WWOX: variants seen among roughly 807,000 people sequenced by gnomAD.
The protein encoded by WWOX is WW domain-containing oxidoreductase.
Under a neutral mutation model 46.2 loss-of-function variants are expected in WWOX, and 69 were observed. The observed-to-expected ratio is 1.49, with a 90% CI of 1.23 to 1.82. The LOEUF (loss-of-function observed/expected upper bound fraction) is 1.82, where lower values mean the gene tolerates loss of function less well. Ranked by LOEUF, WWOX falls within the 40% of genes most tolerant of loss-of-function variation. The pLI is 0.00. For missense variants in WWOX, 919 were observed against 542.6 expected (o/e 1.69, Z -6.89); for synonymous variants, 359 against 202.6 (o/e 1.77, Z -6.56).
At chr16:79,132,316 G>A (rs139022535) in intron 8 of WWOX, among the ~76,000 whole-genome samples, 1 of 152,296 alleles carries the variant, frequency 6.6e-6, no homozygotes, top group Non-Finnish European at 1.5e-5. Context: ...TTGATTTCAG[G>A]CAAGATTTTG....
chr16:78,459,815 T>C (rs1369898108), intron 8 of WWOX, among the ~76,000 whole-genome samples: 1 of 152,022 alleles, frequency 6.6e-6, no homozygotes, highest in African/African-American at 2.4e-5. Context: ...ATTTTAATTC[T>C]TTTTGAGACA....
At chr16:79,069,149 G>A (rs916764716) in intron 8 of WWOX, among the ~76,000 whole-genome samples, 3 of 152,204 alleles carry the variant, frequency 2.0e-5, no homozygotes, top group Admixed American at 6.5e-5. Context: ...TGGGCCCTGC[G>A]CTGCGCTTGG....
At chr16:78,187,063 C>T (rs569013943) in intron 5 of WWOX, among the ~76,000 whole-genome samples, 8 of 152,332 alleles carry the variant, frequency 5.3e-5, no homozygotes, top group African/African-American at 1.9e-4. Context: ...GGTTTACCAA[C>T]ATCATAGTCA....
At chr16:79,142,680 G>A (rs2050112535) in intron 8 of WWOX, among the ~76,000 whole-genome samples, 1 of 152,054 alleles carries the variant, frequency 6.6e-6, no homozygotes, top group African/African-American at 2.4e-5. Context: ...TATAAGAAGT[G>A]CCTGGATCAG....
At chr16:78,494,898 C>G (rs765716556) in intron 8 of WWOX, among the ~76,000 whole-genome samples, 5 of 152,160 alleles carry the variant, frequency 3.3e-5, no homozygotes, top group African/African-American at 4.8e-5. Context: ...GGTTTTAGGC[C>G]TGTCCTTAGA....
intron 8 of WWOX, among the ~76,000 whole-genome samples, chr16:78,981,145 C>T (rs773502672): frequency 6.6e-6 from 1 of 152,162 alleles, no homozygotes; most frequent in African/African-American, 2.4e-5. Context: ...CTGGGAGGAC[C>T]GTTGTACTGC....
At chr16:78,126,689 G>T (rs2033376090) in intron 4 of WWOX, among the ~76,000 whole-genome samples, 1 of 152,136 alleles carries the variant, frequency 6.6e-6, no homozygotes, top group African/African-American at 2.4e-5. Context: ...TCCTCAGTTT[G>T]CTTCACTAAA....
chr16:78,954,653 A>C (rs904045734), intron 8 of WWOX, among the ~76,000 whole-genome samples: 3 of 152,196 alleles, frequency 2.0e-5, no homozygotes, highest in Admixed American at 1.3e-4. Context: ...TGATTTTTTG[A>C]TATAGAAGCA....
intron 8 of WWOX, among the ~76,000 whole-genome samples, chr16:78,828,953 C>G (rs1597684008): frequency 6.6e-6 from 1 of 152,200 alleles, no homozygotes; most frequent in East Asian, 1.9e-4. Context: ...GTTAAAGGGA[C>G]TTGCCAAAGC....
At chr16:78,738,976 C>G (rs1023769961) in intron 8 of WWOX, among the ~76,000 whole-genome samples, 12 of 152,116 alleles carry the variant, frequency 7.9e-5, no homozygotes, top group Admixed American at 2.6e-4. Context: ...AGTCCTGGCC[C>G]TAGGAAGACG....
At chr16:79,198,683 G>A (rs891777445) in intron 8 of WWOX, among the ~76,000 whole-genome samples, 3 of 152,204 alleles carry the variant, frequency 2.0e-5, no homozygotes, top group African/African-American at 7.2e-5. Context: ...CCACCCCTAC[G>A]TAGTAGCTGT....
chr16:78,572,253 G>T (rs1425254896), intron 8 of WWOX, among the ~76,000 whole-genome samples: 1 of 152,164 alleles, frequency 6.6e-6, no homozygotes, highest in Admixed American at 6.5e-5. Flanking sequence ...GTGGATACCA[G>T]AACGTGCATC....
At chr16:79,017,730 TA>T (rs908212601) in intron 8 of WWOX, among the ~76,000 whole-genome samples, 2 of 152,112 alleles carry the variant, frequency 1.3e-5, no homozygotes, top group African/African-American at 4.8e-5. Flanking sequence ...AAAACCAGTC[TA>T]AAAAAGCCAT....
At chr16:78,297,905 A>G (rs2079967916) in intron 5 of WWOX, among the ~76,000 whole-genome samples, 2 of 152,044 alleles carry the variant, frequency 1.3e-5, no homozygotes, top group African/African-American at 4.8e-5. Context: ...CCCAAATCTC[A>G]TCTTGAATTC....
intron 5 of WWOX, among the ~76,000 whole-genome samples, chr16:78,259,308 A>C (rs1210448009): frequency 1.3e-5 from 2 of 152,166 alleles, no homozygotes; most frequent in Non-Finnish European, 2.9e-5. Context: ...TAGAAGAGAG[A>C]CTGTATTCCA....
At chr16:78,265,046 G>A (rs1243983321) in intron 5 of WWOX, among the ~76,000 whole-genome samples, 3 of 132,146 alleles carry the variant, frequency 2.3e-5, no homozygotes, top group Non-Finnish European at 3.1e-5. Context: ...CGTCGTCCAG[G>A]TTGGAGTGCA....
At chr16:79,116,182 T>C (rs2049512157) in intron 8 of WWOX, among the ~76,000 whole-genome samples, 1 of 152,188 alleles carries the variant, frequency 6.6e-6, no homozygotes, top group African/African-American at 2.4e-5. Context: ...TTGATGTTGA[T>C]GGCTGCTGAT....
chr16:78,888,044 C>G (rs764854700), intron 8 of WWOX, among the ~76,000 whole-genome samples: 33 of 152,120 alleles, frequency 2.2e-4, no homozygotes, highest in Non-Finnish European at 2.8e-4. Flanking sequence ...AACTGTATGG[C>G]GATCCTTCAA....
chr16:78,822,134 C>T (rs540243656), intron 8 of WWOX, among the ~76,000 whole-genome samples: 20 of 152,252 alleles, frequency 1.3e-4, no homozygotes, highest in Middle Eastern at 3.4e-3. Flanking sequence ...CCTTGGCCTC[C>T]CAAAGTGCTG....
Sources: gnomAD v4.1 joint callset for allele counts (sites outside exome capture counted in the v4.1 genomes callset) on GRCh38, gnomAD v4.1.1 for gene constraint, MANE v1.5 for transcripts, NCBI Gene and HGNC (gene_info 2026-07-23, HGNC 2026-07-21) for gene names.